PTPRM: variants seen among roughly 807,000 people sequenced by gnomAD.
PTPRM encodes receptor-type tyrosine-protein phosphatase mu.
Under a neutral mutation model 186.7 loss-of-function variants are expected in PTPRM, and 47 were observed. The observed-to-expected ratio is 0.25, with a 90% confidence interval of 0.20 to 0.32. PTPRM has a LOEUF of 0.32. Among genes scored for constraint, PTPRM ranks in the 10% least tolerant of loss-of-function variants. PTPRM has a pLI of 1.00. For missense variants in PTPRM, 1,494 were observed against 1,865.0 expected (o/e 0.80, Z 3.66); for synonymous variants, 668 against 674.9 (o/e 0.99, Z 0.16).
intron 14 of PTPRM, among the ~76,000 whole-genome samples, chr18:8,153,618 C>T (rs1156887052): frequency 3.3e-5 from 5 of 152,296 alleles, no homozygotes; most frequent in Admixed American, 6.5e-5. Flanking sequence ...TATCTTTAGA[C>T]TTGAGCAGTC....
At chr18:8,402,129 C>G (rs1445708031) in intron 32 of PTPRM, among the ~76,000 whole-genome samples, 1 of 152,212 alleles carries the variant, frequency 6.6e-6, no homozygotes, top group Non-Finnish European at 1.5e-5. Context: ...GAGGAAACTG[C>G]AGCAGATAGA....
intron 23 of PTPRM, among the ~76,000 whole-genome samples, chr18:8,370,181 A>T (rs2095655320): frequency 3.6e-5 from 4 of 111,570 alleles, no homozygotes; most frequent in African/African-American, 1.2e-4. Flanking sequence ...CTAGAAAAAC[A>T]TTCTTACCAA....
At chr18:8,195,528 T>C (rs1204023768) in intron 14 of PTPRM, among the ~76,000 whole-genome samples, 1 of 152,248 alleles carries the variant, frequency 6.6e-6, no homozygotes, top group Non-Finnish European at 1.5e-5. Flanking sequence ...GAAAGTATGG[T>C]ATCTGTACAC....
intron 14 of PTPRM, among the ~76,000 whole-genome samples, chr18:8,215,476 T>C (rs750214247): frequency 6.6e-6 from 1 of 151,954 alleles, no homozygotes; most frequent in African/African-American, 2.4e-5. Context: ...TCAGTTATTC[T>C]TTCTCTCCTT....
intron 10 of PTPRM, among the ~76,000 whole-genome samples, chr18:8,087,879 C>T (rs1180158518): frequency 6.6e-6 from 1 of 152,054 alleles, no homozygotes; most frequent in South Asian, 2.1e-4. Context: ...ATGGTATGCC[C>T]TCCCACATCA....
chr18:8,306,960 G>A (rs1300135118), intron 20 of PTPRM, among the ~76,000 whole-genome samples: 1 of 152,186 alleles, frequency 6.6e-6, no homozygotes, highest in Non-Finnish European at 1.5e-5. Flanking sequence ...ATTGGCATCT[G>A]ATTCAAGGTG....
chr18:7,745,436 G>T (rs1191805827), intron 1 of PTPRM, among the ~76,000 whole-genome samples: 1 of 152,226 alleles, frequency 6.6e-6, no homozygotes, highest in Non-Finnish European at 1.5e-5. Flanking sequence ...ACATCAAAGA[G>T]CAGAGCTCTC....
At chr18:8,399,518 A>C (rs1350865588) in intron 32 of PTPRM, among the ~76,000 whole-genome samples, 5 of 152,238 alleles carry the variant, frequency 3.3e-5, no homozygotes, top group Non-Finnish European at 7.3e-5. Flanking sequence ...TTACAAAGTA[A>C]CATCAAAAAC....
chr18:8,028,832 G>T (rs565685755), intron 7 of PTPRM, among the ~76,000 whole-genome samples: 1 of 152,190 alleles, frequency 6.6e-6, no homozygotes, highest in African/African-American at 2.4e-5. Flanking sequence ...AAAAGATCAT[G>T]AATGTAGTCA....
At position 7,965,711 on chromosome 18, in the gene PTPRM, G is replaced by C. The variant is rs79311982; in HGVS notation, c.1132+10297G>C. On this transcript the variant is annotated intron_variant, in intron 7 of 32. Coordinates refer to ENST00000580170, the MANE Select transcript of PTPRM (RefSeq NM_001105244.2). ...CCAGGTATGTTATGTGTTATGTCTGGAACCACTGTCATGCTTTGGGAAGCA... is the reference window on the plus strand; with the variant it reads ...CCAGGTATGTTATGTGTTATGTCTGCAACCACTGTCATGCTTTGGGAAGCA... Among the ~76,000 whole-genome samples, 561 of 152,284 alleles carry C rather than the reference G, an allele frequency of 3.7e-3. 2 individuals are homozygous for C. The highest frequency in any genetic ancestry group is 0.013 in the African/African-American group (533 of 41,552).
intron 2 of PTPRM, among the ~76,000 whole-genome samples, chr18:7,880,356 T>C (rs2048445273): frequency 6.6e-6 from 1 of 152,168 alleles, no homozygotes; most frequent in Admixed American, 6.5e-5. Context: ...AACTAACAAA[T>C]GGTCTTTTTC....
At chr18:7,982,967 A>G (rs1599853729) in intron 7 of PTPRM, among the ~76,000 whole-genome samples, 1 of 152,052 alleles carries the variant, frequency 6.6e-6, no homozygotes, top group Non-Finnish European at 1.5e-5. Flanking sequence ...GATAGCTCCT[A>G]TTTGGCACTA....
intron 14 of PTPRM, among the ~76,000 whole-genome samples, chr18:8,165,213 G>A (rs929223382): frequency 6.6e-6 from 1 of 151,800 alleles, no homozygotes; most frequent in African/African-American, 2.4e-5. Context: ...TCTAATACTG[G>A]TAGAGTGATT....
chr18:8,110,615 C>T (rs949587661), intron 11 of PTPRM, among the ~76,000 whole-genome samples: 2 of 152,122 alleles, frequency 1.3e-5, no homozygotes, highest in Non-Finnish European at 2.9e-5. Flanking sequence ...GCTCCGAGGA[C>T]ACCAGCCCGG....
intron 1 of PTPRM, among the ~76,000 whole-genome samples, chr18:7,647,738 A>G (rs941864665): frequency 2.6e-5 from 4 of 152,192 alleles, no homozygotes; most frequent in African/African-American, 9.7e-5. Flanking sequence ...TGACTTGGTC[A>G]TGTAGATCAG....
intron 7 of PTPRM, among the ~76,000 whole-genome samples, chr18:8,064,791 C>T (rs902444718): frequency 2.6e-5 from 4 of 152,180 alleles, no homozygotes; most frequent in East Asian, 1.9e-4. Context: ...TACCCAGAAT[C>T]GTTGCTGCCT....
chr18:7,649,319 T>C (rs1197529392), intron 1 of PTPRM, among the ~76,000 whole-genome samples: 1 of 152,242 alleles, frequency 6.6e-6, no homozygotes, highest in East Asian at 1.9e-4. Flanking sequence ...TCATGCCTGC[T>C]AACACAGCAT....
intron 7 of PTPRM, among the ~76,000 whole-genome samples, chr18:8,040,342 C>T (rs1307974186): frequency 2.6e-5 from 4 of 152,118 alleles, no homozygotes; most frequent in Non-Finnish European, 5.9e-5. Context: ...GGCACTAATC[C>T]TGCTTCCTGT....
At chr18:8,291,688 T>A (rs902611598) in intron 19 of PTPRM, among the ~76,000 whole-genome samples, 1 of 152,164 alleles carries the variant, frequency 6.6e-6, no homozygotes, top group Non-Finnish European at 1.5e-5. Context: ...GTGCACTGAC[T>A]TTGCTTAATT....
Sources: allele counts gnomAD v4.1 joint callset (sites outside exome capture counted in the v4.1 genomes callset), GRCh38; gene constraint gnomAD v4.1.1; transcripts MANE v1.5; gene names NCBI Gene and HGNC (gene_info 2026-07-23, HGNC 2026-07-21).